Variants in ASPSCR1 observed in about 807,000 individuals in gnomAD.
The protein encoded by ASPSCR1 is tether containing UBX domain for GLUT4.
A neutral mutation model predicts 68.9 loss-of-function variants in ASPSCR1; 55 were observed. The ratio of observed to expected loss-of-function variants is 0.80; its 90% CI spans 0.64 to 1.00. ASPSCR1 has a LOEUF of 1.00. Among genes scored for constraint, ASPSCR1 ranks in the 50% least tolerant of loss-of-function variants. The pLI is 0.00. For synonymous variants in ASPSCR1, 352 were observed against 332.6 expected (o/e 1.06, Z -0.63); for missense variants, 765 against 762.2 (o/e 1.00, Z -0.04).
At position 82,009,481 on chromosome 17, in the gene ASPSCR1, C is replaced by T. The variant is rs769884840; in HGVS notation, c.1089-5C>T. 79 of 1,574,078 alleles carry T rather than the reference C, an allele frequency of 5.0e-5. No individual in the cohort carries two copies. In the Admixed American group the frequency reaches 7.6e-4, roughly 15 times the overall value. ...AAGCCCTGTTCCTTCCCCTCCTCACCACAGGAAGCGCCTGGAAGAAGCCCC... is the reference window on the plus strand; with the variant it reads ...AAGCCCTGTTCCTTCCCCTCCTCACTACAGGAAGCGCCTGGAAGAAGCCCC... On this transcript the variant is annotated splice_polypyrimidine_tract_variant and splice_region_variant and intron_variant, in intron 8 of 15. Transcript: ENST00000306739.
chr17:82,002,157 T>C (rs2042557239), intron 7 of ASPSCR1, among the ~76,000 whole-genome samples: 1 of 151,780 alleles, frequency 6.6e-6, no homozygotes, highest in South Asian at 2.1e-4. Flanking sequence ...CCTGGCCTCT[T>C]TTCATCTTCT....
rs2043075614 is a variant in ASPSCR1, at chr17:82,015,071, C to T, written c.1354-1405C>T. 3 of 1,595,764 alleles carry T rather than the reference C, an allele frequency of 1.9e-6. No individual in the cohort carries two copies. The South Asian group carries it at 3.3e-5, about 18-fold the overall frequency. On this transcript the variant is annotated intron_variant, in intron 12 of 15. Coordinates refer to ENST00000306739, the MANE Select transcript of ASPSCR1 (RefSeq NM_024083.4). ...GGACGGTGTGACCCACTTTCCCTTT[C>T]CAGCCCCAGCTTGGTGACCGGGTGG... is the stretch of plus-strand genomic sequence containing the variant.
At chr17:82,012,653 G>T (rs1314785790) in intron 12 of ASPSCR1, among the ~76,000 whole-genome samples, 1 of 152,172 alleles carries the variant, frequency 6.6e-6, no homozygotes, top group Non-Finnish European at 1.5e-5. Flanking sequence ...GGCTCAGGGA[G>T]CCCCAGAGGG....
chr17:81,977,837 G>A lies in ASPSCR1; in HGVS notation c.102+89G>A. 9.8e-7 allele frequency: 1 copy of A among 1,021,852 alleles called. No individual in the cohort carries two copies. Among genetic ancestry groups the A allele is most frequent in the Non-Finnish European group, 1.2e-6 (1 of 808,454 alleles). 63.3% of individuals were successfully genotyped at this position (1,021,852 alleles called of 1,614,324 possible). On this transcript the variant is annotated intron_variant, in intron 1 of 15. Coordinates refer to ENST00000306739, the MANE Select transcript of ASPSCR1 (RefSeq NM_024083.4). The surrounding 1 kb of genome is among the most constrained non-coding windows in gnomAD (Gnocchi z 5.0). ...CATTGCGGTCGGCGTCCCGGTGTTC[G>A]GGGGCGGGGCCTCGGCGGCCAATGA...
chr17:82,015,597 G>C (rs2043096356), intron 12 of ASPSCR1: 1 of 584,362 alleles, frequency 1.7e-6, no homozygotes, highest in East Asian at 2.9e-5. Context: ...CAGCAGGTGG[G>C]ATGCAGATGG....
chr17:81,989,151 T>A (rs1006522898), intron 4 of ASPSCR1, among the ~76,000 whole-genome samples: 1 of 152,182 alleles, frequency 6.6e-6, no homozygotes, highest in African/African-American at 2.4e-5. Context: ...GAGGTTGCAG[T>A]GAGCCGACAT....
chr17:82,016,650 GC>G, intron 13 of ASPSCR1, 123 bp downstream of exon 13: 1 of 1,453,710 alleles, frequency 6.9e-7, no homozygotes, highest in Non-Finnish European at 9.4e-7. Flanking sequence ...GAGATCTGCG[GC>G]CCCCAGTAAC....
intron 5 of ASPSCR1, 142 bp from the exon 6 acceptor site, chr17:81,995,850 G>A (rs2042316997): frequency 1.3e-6 from 1 of 787,944 alleles, no homozygotes; most frequent in Admixed American, 2.1e-5. Context: ...GGACCGGCAG[G>A]GGCCAGATGT....
rs368133960 is a variant in ASPSCR1 at position 81,996,947 on chromosome 17, C to A, written c.933+101C>A. 3.1e-5 allele frequency: 47 copies of A among 1,505,882 alleles called. No individual in the cohort carries two copies. The East Asian group carries it at 3.9e-4, about 12-fold the overall frequency. The allele number at this position is 1,505,882 out of a possible 1,614,324, so 93.3% of individuals were successfully genotyped here. A position where few individuals can be genotyped will look rare whatever the true frequency, so the allele number is the denominator to read the frequency against. Reference sequence around the variant, plus strand: ...TCAGCCTGGTGGCGTGGCCGTGATGCGGGCAGAGGAACCCAAACGCGCAGA... The same window carrying A: ...TCAGCCTGGTGGCGTGGCCGTGATGAGGGCAGAGGAACCCAAACGCGCAGA... On this transcript the variant is annotated intron_variant, in intron 7 of 15. Coordinates refer to ENST00000306739, the MANE Select transcript of ASPSCR1 (RefSeq NM_024083.4).
intron 4 of ASPSCR1, among the ~76,000 whole-genome samples, chr17:81,991,585 G>A (rs535028982): frequency 1.3e-5 from 2 of 152,262 alleles, no homozygotes; most frequent in South Asian, 2.1e-4. Flanking sequence ...ATCCCTGTCC[G>A]TCCTTGTCCA....
rs913899643 is a variant in ASPSCR1 at position 81,977,961 on chromosome 17, T to C, written c.102+213T>C. 3 of 306,830 alleles carry C rather than the reference T, an allele frequency of 9.8e-6. No individual in the cohort carries two copies. The highest frequency in any genetic ancestry group is 6.6e-5 in the African/African-American group (3 of 45,192). The allele number at this position is 306,830 out of a possible 1,614,324, so 19.0% of individuals were successfully genotyped here. On this transcript the variant is annotated intron_variant, in intron 1 of 15. Transcript: ENST00000306739. The surrounding 1 kb of genome is among the most constrained non-coding windows in gnomAD (Gnocchi z 5.0). ...GGGGTCCCGAGTGGGGGCGGGGCGG[T>C]GGCGAGCCTTCCCAGGGGTGAGGTA...
chr17:82,011,640 A>G, intron 11 of ASPSCR1, 35 bp downstream of exon 11: 1 of 1,599,144 alleles, frequency 6.3e-7, no homozygotes, highest in Non-Finnish European at 8.5e-7. Flanking sequence ...TCCTGCCTCC[A>G]GTGCTCGGGG....
chr17:81,983,450 C>A lies in ASPSCR1; in HGVS notation c.159-104C>A. On this transcript the variant is annotated intron_variant, in intron 2 of 15. Coordinates refer to ENST00000306739, the MANE Select transcript of ASPSCR1 (RefSeq NM_024083.4). This position sits in a 1 kb window ranked among gnomAD's most constrained non-coding sequence, Gnocchi z 4.4. ...CTGCCACAGGACGTGGATGGCGGGGCGTGGATGGCGGGGCGTGGATGGTGG... is the reference window on the plus strand; with the variant it reads ...CTGCCACAGGACGTGGATGGCGGGGAGTGGATGGCGGGGCGTGGATGGTGG... The A allele has an allele frequency of 1.1e-6, 1 of 911,538 alleles. No individual in the cohort carries two copies. The highest frequency in any genetic ancestry group is 1.7e-6 in the Non-Finnish European group (1 of 588,974). The allele number at this position is 911,538 out of a possible 1,614,324, so 56.5% of individuals were successfully genotyped here. A position where few individuals can be genotyped will look rare whatever the true frequency, so the allele number is the denominator to read the frequency against.
At chr17:81,995,807 G>C (rs942756815) in intron 5 of ASPSCR1, among the ~76,000 whole-genome samples, 185 bp from the exon 6 acceptor site, 4 of 152,210 alleles carry the variant, frequency 2.6e-5, no homozygotes, top group African/African-American at 9.6e-5. Flanking sequence ...CCCGGCTGCA[G>C]ACCAGACTCA....
chr17:81,987,207 G>A lies in ASPSCR1; in HGVS notation c.374+1600G>A, dbSNP rs7207516. ...CCCGAGGCAGGAGATGACGGAGCCT[G>A]AGAGCAAAGCGAAGCCACGGGCAGG... On this transcript the variant is annotated intron_variant, in intron 4 of 15. Coordinates refer to ENST00000306739, the MANE Select transcript of ASPSCR1 (RefSeq NM_024083.4). This position sits in a 1 kb window ranked among gnomAD's most constrained non-coding sequence, Gnocchi z 5.6. 0.68 allele frequency among the ~76,000 whole-genome samples: 95,835 copies of A among 140,738 alleles called. 32,949 individuals carry two copies. The highest frequency in any genetic ancestry group is 0.78 in the African/African-American group (28,167 of 36,044). 92.3% of individuals were successfully genotyped at this position (140,738 alleles called of 152,430 possible).
chr17:81,996,873 T>C, intron 7 of ASPSCR1, 27 bp downstream of exon 7: 1 of 1,550,460 alleles, frequency 6.4e-7, no homozygotes, highest in South Asian at 1.2e-5. Flanking sequence ...GCCTTGGGAC[T>C]TGGGGGTGTC....
intron 7 of ASPSCR1, chr17:82,008,261 G>A (rs1018354057): frequency 3.9e-5 from 6 of 152,418 alleles, no homozygotes; most frequent in African/African-American, 9.6e-5. Context: ...GACGGGACCA[G>A]GAGGGTTGTT....
chr17:82,009,501 A>G lies in ASPSCR1; in HGVS notation c.1104A>G (p.Glu368=). 6.3e-7 allele frequency: 1 copy of G among 1,582,774 alleles called. No homozygotes were observed. Among genetic ancestry groups the G allele is most frequent in the Non-Finnish European group, 8.6e-7 (1 of 1,164,620 alleles). Residue 368 remains glutamate, a synonymous_variant, in exon 9 of 16, where the codon GAA becomes GAG. Transcript: ENST00000306739. Reference sequence around the variant, plus strand: ...CTCACCACAGGAAGCGCCTGGAAGAAGCCCCCTTGGTGACCAAGGCCTTCA... The same window carrying G: ...CTCACCACAGGAAGCGCCTGGAAGAGGCCCCCTTGGTGACCAAGGCCTTCA... ...QLKSERKRLE[E]APLVTKAFRE...
intron 7 of ASPSCR1, among the ~76,000 whole-genome samples, chr17:82,001,598 G>A (rs2042533784): frequency 6.6e-6 from 1 of 152,198 alleles, no homozygotes; most frequent in South Asian, 2.1e-4. Context: ...GGTAGGGGGT[G>A]GATGCTCGCC....
Sources: gnomAD v4.1 joint callset for allele counts (sites outside exome capture counted in the v4.1 genomes callset) on GRCh38, gnomAD v4.1.1 for gene constraint, Gnocchi (gnomAD v3.1) non-coding constraint, MANE v1.5 for transcripts, NCBI Gene and HGNC (gene_info 2026-07-23, HGNC 2026-07-21) for gene names.